PAK2: variants seen among roughly 807,000 people sequenced by gnomAD.
PAK2 encodes the protein p21 (RAC1) activated kinase 2.
A neutral mutation model predicts 65.9 loss-of-function variants in PAK2; 21 were observed. That is an observed-to-expected ratio of 0.32 (90% CI 0.23 to 0.46). PAK2 has a LOEUF of 0.46. PAK2 is among the 20% of genes least tolerant of loss of function. The pLI is 1.00. For synonymous variants in PAK2, 204 were observed against 219.7 expected, an observed-to-expected ratio of 0.93 and a Z score of 0.63; for missense variants, 324 against 642.6, an observed-to-expected ratio of 0.50 and a Z score of 5.36.
chr3:196,806,063 C>T (rs1484092183), intron 5 of PAK2, among the ~76,000 whole-genome samples: 5 of 151,916 alleles, frequency 3.3e-5, no homozygotes, highest in African/African-American at 1.2e-4. Flanking sequence ...AGGCGCCTGC[C>T]ACCACGACCA....
intron 1 of PAK2, among the ~76,000 whole-genome samples, chr3:196,759,498 G>GTTTTTTTTGTTTTTTTTTTTTTTTTTTT (rs1713882381): frequency 9.2e-6 from 1 of 108,116 alleles, no homozygotes; most frequent in Non-Finnish European, 1.8e-5. Context: ...GGTTTTTTTT[G>GTTTTTTTTGTTTTTTTTTTTTTTTTTTT]TTTTTTTTTT....
chr3:196,761,809 T>A (rs111366944), intron 1 of PAK2, among the ~76,000 whole-genome samples: 4,315 of 129,904 alleles, frequency 0.033, 91 homozygotes, highest in Middle Eastern at 0.067. Flanking sequence ...CCCTCCCGGA[T>A]GGGGCGGCTG....
chr3:196,818,737 A>T (rs1164077830), intron 12 of PAK2, among the ~76,000 whole-genome samples: 5 of 152,182 alleles, frequency 3.3e-5, no homozygotes, highest in Non-Finnish European at 7.3e-5. Flanking sequence ...CATGAAAATG[A>T]ATTAAACTTT....
chr3:196,751,875 T>C (rs1261101316), intron 1 of PAK2, among the ~76,000 whole-genome samples: 1 of 150,284 alleles, frequency 6.7e-6, no homozygotes, highest in African/African-American at 2.5e-5. Context: ...CCTGAGTAGC[T>C]GGGATTACAG....
chr3:196,802,352 G>A (rs1715446219), intron 3 of PAK2, among the ~76,000 whole-genome samples: 1 of 152,138 alleles, frequency 6.6e-6, no homozygotes, highest in Non-Finnish European at 1.5e-5. Context: ...AGTGAACAGA[G>A]ACTGTGCCAT....
intron 1 of PAK2, among the ~76,000 whole-genome samples, chr3:196,750,862 T>C (rs1173387327): frequency 2.0e-5 from 3 of 152,218 alleles, no homozygotes; most frequent in African/African-American, 4.8e-5. Flanking sequence ...TTGTTGCTTT[T>C]TTTAATTGTT....
At chr3:196,775,543 C>T (rs1386135823) in intron 1 of PAK2, among the ~76,000 whole-genome samples, 7 of 151,906 alleles carry the variant, frequency 4.6e-5, no homozygotes, top group South Asian at 2.1e-4. Context: ...CCACCACAAC[C>T]GGCTAATTTT....
intron 14 of PAK2, 75 bp downstream of exon 14, chr3:196,827,408 A>G: frequency 6.5e-7 from 1 of 1,546,660 alleles, no homozygotes; most frequent in African/African-American, 1.4e-5. Context: ...TCCTAGGGCT[A>G]ATAAGTAGAT....
At chr3:196,751,663 T>TTTTATATA (rs1491521540) in intron 1 of PAK2, among the ~76,000 whole-genome samples, 9 of 45,718 alleles carry the variant, frequency 2.0e-4, no homozygotes, top group African/African-American at 1.0e-3. Context: ...ACACACAAAT[T>TTTTATATA]TATTTATATA....
chr3:196,829,586 T>C lies in PAK2; in HGVS notation c.*1181T>C, dbSNP rs760260748. On this transcript the variant is annotated 3_prime_UTR_variant, in exon 15 of 15. Transcript: ENST00000327134. ...TACTCATGAAAGAGAATGTTAGTGT[T>C]ACAGAGAAGCAGCCGATAGCAAATC... 2.6e-5 allele frequency: 4 copies of C among 152,136 alleles called. No homozygotes were observed. The highest frequency in any genetic ancestry group is 4.8e-5 in the African/African-American group (2 of 41,420). 9.4% of individuals were successfully genotyped at this position (152,136 alleles called of 1,614,324 possible). A position where few individuals can be genotyped will look rare whatever the true frequency, so the allele number is the denominator to read the frequency against.
intron 1 of PAK2, among the ~76,000 whole-genome samples, chr3:196,770,876 G>A (rs547068681): frequency 1.3e-3 from 191 of 152,068 alleles, no homozygotes; most frequent in Non-Finnish European, 2.5e-3. Context: ...GCCCACCTTG[G>A]CCTCCCAAAG....
chr3:196,775,066 T>A (rs1430839074), intron 1 of PAK2, among the ~76,000 whole-genome samples: 1 of 152,214 alleles, frequency 6.6e-6, no homozygotes, highest in Non-Finnish European at 1.5e-5. Flanking sequence ...GCCATGCTTA[T>A]ATTTATTGAG....
At chr3:196,779,199 T>C (rs1399909516) in intron 1 of PAK2, among the ~76,000 whole-genome samples, 1 of 152,234 alleles carries the variant, frequency 6.6e-6, no homozygotes, top group Non-Finnish European at 1.5e-5. Flanking sequence ...ATTTATTTAC[T>C]TATTCATTTA....
chr3:196,769,104 A>C (rs1433886810), intron 1 of PAK2, among the ~76,000 whole-genome samples: 1 of 152,028 alleles, frequency 6.6e-6, no homozygotes, highest in Non-Finnish European at 1.5e-5. Context: ...AGGAGGATGG[A>C]TCAGTTGAGC....
intron 1 of PAK2, among the ~76,000 whole-genome samples, chr3:196,746,310 C>T (rs1277364316): frequency 1.3e-5 from 2 of 152,108 alleles, no homozygotes. Flanking sequence ...ATAGGAATGG[C>T]TTCTGAATTT....
intron 7 of PAK2, among the ~76,000 whole-genome samples, chr3:196,809,550 G>A (rs1201914093): frequency 6.6e-6 from 1 of 150,432 alleles, no homozygotes; most frequent in Non-Finnish European, 1.5e-5. Flanking sequence ...CACCATGTTG[G>A]CTGGGCTGGT....
chr3:196,769,796 G>A (rs987764035), intron 1 of PAK2, among the ~76,000 whole-genome samples: 3 of 151,854 alleles, frequency 2.0e-5, no homozygotes, highest in African/African-American at 4.8e-5. Flanking sequence ...CAGCCTGGGC[G>A]ACAGAGCGAG....
At chr3:196,797,577 C>T (rs892928494) in intron 2 of PAK2, among the ~76,000 whole-genome samples, 1 of 151,814 alleles carries the variant, frequency 6.6e-6, no homozygotes, top group Non-Finnish European at 1.5e-5. Context: ...CATGGTGAAA[C>T]CCTGTCTCTA....
intron 11 of PAK2, among the ~76,000 whole-genome samples, chr3:196,816,197 CAT>C (rs1393197037): frequency 6.6e-6 from 1 of 152,106 alleles, no homozygotes; most frequent in Non-Finnish European, 1.5e-5. Context: ...TCTTCAGTGA[CAT>C]GTGAATTACA....
Sources: gnomAD v4.1 joint callset for allele counts (sites outside exome capture counted in the v4.1 genomes callset) on GRCh38, gnomAD v4.1.1 for gene constraint, MANE v1.5 for transcripts, NCBI Gene and HGNC (gene_info 2026-07-23, HGNC 2026-07-21) for gene names.